TTC21B: variants seen among roughly 807,000 people sequenced by gnomAD.
The protein encoded by TTC21B is tetratricopeptide repeat domain 21B.
Under a neutral mutation model 175.1 loss-of-function variants are expected in TTC21B, and 127 were observed. That is an observed-to-expected ratio of 0.73 (90% CI 0.63 to 0.84). The LOEUF (loss-of-function observed/expected upper bound fraction) is 0.84, where lower values mean the gene tolerates loss of function less well. Ranked by LOEUF, TTC21B falls within the 40% of genes least tolerant of loss-of-function variation. The pLI is 0.00. For missense variants in TTC21B, 1,561 were observed against 1,558.3 expected (o/e 1.00, Z -0.03); for synonymous variants, 524 against 524.5 (o/e 1.00, Z 0.01).
chr2:165,943,090 T>C, intron 5 of TTC21B, 129 bp downstream of exon 5: 1 of 895,538 alleles, frequency 1.1e-6, no homozygotes, highest in Non-Finnish European at 1.8e-6. Flanking sequence ...CCAGTCTACC[T>C]TACAGCTGTG....
chr2:165,892,233 GT>G (rs1685220080), intron 22 of TTC21B, among the ~76,000 whole-genome samples: 1 of 152,080 alleles, frequency 6.6e-6, no homozygotes, highest in Non-Finnish European at 1.5e-5. Context: ...TTCTGAACAT[GT>G]TCTTAGGTTG....
At chr2:165,930,118 A>T (rs1269161522) in intron 9 of TTC21B, 54 bp downstream of exon 9, 2 of 1,541,026 alleles carry the variant, frequency 1.3e-6, no homozygotes, top group African/African-American at 2.7e-5. Context: ...GCAAGTTAAA[A>T]GCAATTGCTA....
In TTC21B at chr2:165,943,241, T is replaced by C. The variant is rs1193546618; in HGVS notation, c.530A>G (p.Asp177Gly). 9.9e-6 allele frequency: 16 copies of C among 1,613,568 alleles called. No individual in the cohort carries two copies. The highest frequency in any genetic ancestry group is 1.4e-5 in the Non-Finnish European group (16 of 1,179,636). Residue 177 changes from aspartate (D) to glycine (G), a missense_variant, in exon 5 of 29, where the codon GAT becomes GGT. By Grantham distance (94) the Asp-to-Gly change is moderately conservative. Transcript: ENST00000243344. ...CACCTTACCCAGCAGAGCAAAAGTA[T>C]CATTCCCATCTTGGAGTCCCTCTTC... ...YFEEGLQDGN[D>G]TFALLGKAQC...
chr2:165,927,093 G>T (rs1205568014), intron 11 of TTC21B, among the ~76,000 whole-genome samples: 1 of 8,940 alleles, frequency 1.1e-4, no homozygotes, highest in East Asian at 2.3e-3. Context: ...TATCCTAGTA[G>T]ATATATATAT....
intron 28 of TTC21B, among the ~76,000 whole-genome samples, chr2:165,875,814 C>CTT (rs398060734): frequency 5.5e-5 from 8 of 144,458 alleles, no homozygotes; most frequent in East Asian, 2.0e-4. Flanking sequence ...TGGTCTTTGT[C>CTT]TTTTTTTTTT....
Position 165,873,665 on chromosome 2 carries a change from T to G in TTC21B, c.*1090A>C, listed in dbSNP as rs1408346798. The G allele has an allele frequency of 6.6e-6, 1 of 152,172 alleles. No homozygotes were observed. The highest frequency in any genetic ancestry group is 1.5e-5 in the Non-Finnish European group (1 of 68,028). 9.4% of individuals were successfully genotyped at this position (152,172 alleles called of 1,614,324 possible). ...TGAAATTATACCTGCAGACCAAGTCTTCTAGGCTAAGGTTAAATATCCCTA... is the reference window on the plus strand; with the variant it reads ...TGAAATTATACCTGCAGACCAAGTCGTCTAGGCTAAGGTTAAATATCCCTA... On this transcript the variant is annotated 3_prime_UTR_variant, in exon 29 of 29. Coordinates refer to ENST00000243344, the MANE Select transcript of TTC21B (RefSeq NM_024753.5).
At chr2:165,899,054 G>C (rs557349545) in intron 21 of TTC21B, among the ~76,000 whole-genome samples, 23 of 152,092 alleles carry the variant, frequency 1.5e-4, no homozygotes, top group Non-Finnish European at 2.8e-4. Context: ...AAATTTGAAA[G>C]GAATTGCACA....
chr2:165,946,335 A>T (rs1410608150), intron 3 of TTC21B, among the ~76,000 whole-genome samples: 1 of 151,600 alleles, frequency 6.6e-6, no homozygotes, highest in East Asian at 2.0e-4. Context: ...CAAGACCCCG[A>T]CTCAAAAATA....
rs1214217626 is a variant in TTC21B, at chr2:165,891,579, ATT to A, written c.2951-593_2951-592del. Reference sequence around the variant, plus strand: ...TTTCACCTTCTTCTAAAAAAAATTCATTCATTCATTCATTCATTCATTCATTC... The same window carrying A: ...TTTCACCTTCTTCTAAAAAAAATTCACATTCATTCATTCATTCATTCATTC... On this transcript the variant is annotated intron_variant, in intron 22 of 28. Coordinates refer to ENST00000243344, the MANE Select transcript of TTC21B (RefSeq NM_024753.5). 1.9e-4 allele frequency among the ~76,000 whole-genome samples: 3 copies of A among 15,426 alleles called. No individual in the cohort carries two copies. The Admixed American group carries it at 3.0e-3, about 16-fold the overall frequency. The allele number at this position is 15,426 out of a possible 152,430, so 10.1% of individuals were successfully genotyped here.
intron 19 of TTC21B, among the ~76,000 whole-genome samples, chr2:165,906,130 C>T (rs766425152): frequency 2.0e-5 from 3 of 151,806 alleles, no homozygotes; most frequent in Admixed American, 6.6e-5. Flanking sequence ...ATGTTTTACA[C>T]TAAATAATAA....
At position 165,933,625 on chromosome 2, in the gene TTC21B, C is replaced by G. The variant is rs141412608; in HGVS notation, c.711-568G>C. ...GGGACATTTTTAAAAAGAACTGAACCAAAAAGGTAACGCCCCAGACTTCTC... is the reference window on the plus strand; with the variant it reads ...GGGACATTTTTAAAAAGAACTGAACGAAAAAGGTAACGCCCCAGACTTCTC... On this transcript the variant is annotated intron_variant, in intron 6 of 28. Coordinates refer to ENST00000243344, the MANE Select transcript of TTC21B (RefSeq NM_024753.5). 4.8e-3 allele frequency among the ~76,000 whole-genome samples: 735 copies of G among 152,146 alleles called. 4 individuals are homozygous for G. Among genetic ancestry groups the G allele is most frequent in the Non-Finnish European group, 7.5e-3 (507 of 67,982 alleles).
At chr2:165,891,484 T>C (rs949491815) in intron 22 of TTC21B, among the ~76,000 whole-genome samples, 12 of 152,168 alleles carry the variant, frequency 7.9e-5, no homozygotes, top group Non-Finnish European at 1.2e-4. Flanking sequence ...TATGTACATG[T>C]AGCTAACATA....
intron 22 of TTC21B, among the ~76,000 whole-genome samples, chr2:165,893,680 G>A (rs1685270190): frequency 6.6e-6 from 1 of 152,096 alleles, no homozygotes; most frequent in Non-Finnish European, 1.5e-5. Flanking sequence ...GCAGTGCTAT[G>A]GTATGGTATT....
At chr2:165,924,264 A>T (rs1686535402) in intron 12 of TTC21B, among the ~76,000 whole-genome samples, 1 of 152,154 alleles carries the variant, frequency 6.6e-6, no homozygotes, top group Non-Finnish European at 1.5e-5. Flanking sequence ...ATGACTGTAA[A>T]TTCTTATTGC....
chr2:165,901,105 C>G (rs1211482519), intron 20 of TTC21B, among the ~76,000 whole-genome samples: 4 of 151,836 alleles, frequency 2.6e-5, no homozygotes, highest in African/African-American at 7.3e-5. Flanking sequence ...TTTACCCATG[C>G]TGCCTAGGCT....
intron 4 of TTC21B, among the ~76,000 whole-genome samples, chr2:165,943,712 A>G (rs563912208): frequency 6.6e-6 from 1 of 152,266 alleles, no homozygotes; most frequent in South Asian, 2.1e-4. Context: ...TTTTGGACAA[A>G]CCGTCTAAAT....
intron 11 of TTC21B, among the ~76,000 whole-genome samples, chr2:165,925,372 T>C (rs1480098522): frequency 6.6e-6 from 1 of 152,214 alleles, no homozygotes; most frequent in East Asian, 1.9e-4. Flanking sequence ...TTTTATCCAA[T>C]GGTCATCCAA....
intron 18 of TTC21B, 85 bp from the exon 19 acceptor site, chr2:165,907,869 T>A: frequency 1.0e-6 from 1 of 954,150 alleles, no homozygotes; most frequent in Non-Finnish European, 1.6e-6. Context: ...AACTGGTCTC[T>A]AGAAAAAATG....
intron 4 of TTC21B, among the ~76,000 whole-genome samples, chr2:165,944,388 C>T (rs773506999): frequency 2.6e-5 from 4 of 152,158 alleles, no homozygotes; most frequent in Admixed American, 1.3e-4. Context: ...CATCCTAATA[C>T]GTGACAACTT....
Sources: gnomAD v4.1 joint callset for allele counts (sites outside exome capture counted in the v4.1 genomes callset) on GRCh38, gnomAD v4.1.1 for gene constraint, MANE v1.5 for transcripts, NCBI Gene and HGNC (gene_info 2026-07-23, HGNC 2026-07-21) for gene names.